MAPT: variants seen among roughly 807,000 people sequenced by gnomAD.
MAPT encodes the protein microtubule-associated protein tau.
In MAPT, 34 loss-of-function variants were observed where a neutral mutation model predicts 67.9. That is an observed-to-expected ratio of 0.50 (90% CI 0.38 to 0.67). MAPT has a LOEUF of 0.67. MAPT is among the 30% of genes least tolerant of loss of function. MAPT has a pLI of 0.00. For synonymous variants in MAPT, 456 were observed against 464.5 expected (o/e 0.98, Z 0.23); for missense variants, 881 against 1,115.2 (o/e 0.79, Z 2.99).
chr17:45,956,145 C>G (rs2069627979), intron 1 of MAPT, among the ~76,000 whole-genome samples: 4 of 152,216 alleles, frequency 2.6e-5, no homozygotes, highest in Admixed American at 2.6e-4. Context: ...CCAGGTCAAG[C>G]CTGGCTGGCC....
intron 9 of MAPT, among the ~76,000 whole-genome samples, chr17:46,003,709 G>C (rs1273960391): frequency 1.3e-5 from 2 of 152,226 alleles, no homozygotes; most frequent in Admixed American, 6.5e-5. Flanking sequence ...ATCAGGGCCA[G>C]GGATGCAGGT....
At chr17:45,982,215 G>T (rs7208455) in intron 4 of MAPT, among the ~76,000 whole-genome samples, 1 of 151,210 alleles carries the variant, frequency 6.6e-6, no homozygotes, top group Non-Finnish European at 1.5e-5. Context: ...CCAGTTACTC[G>T]GGAGGCTGAG....
chr17:46,023,356 C>T (rs2076646922), intron 12 of MAPT, among the ~76,000 whole-genome samples: 1 of 152,354 alleles, frequency 6.6e-6, no homozygotes, highest in African/African-American at 2.4e-5. Flanking sequence ...TTTGGTACAT[C>T]CGTGGCGACG....
At chr17:46,016,725 C>T (rs1285828570) in intron 11 of MAPT, among the ~76,000 whole-genome samples, 2 of 152,110 alleles carry the variant, frequency 1.3e-5, no homozygotes, top group Non-Finnish European at 2.9e-5. Context: ...GAGCCAAGAT[C>T]GCGCCACTGC....
At position 46,009,080 on chromosome 17, in the gene MAPT, T is replaced by C. The variant is rs2075645853; in HGVS notation, c.1999-1230T>C. Among the ~76,000 whole-genome samples the C allele has an allele frequency of 2.0e-5, 3 of 152,084 alleles. No homozygotes were observed. In the South Asian group the frequency reaches 6.2e-4, roughly 32 times the overall value. On this transcript the variant is annotated intron_variant, in intron 9 of 12. Coordinates refer to ENST00000262410, the MANE Select transcript of MAPT (RefSeq NM_001377265.1). ...CAGGTGTGGTGGCATGTGCCTGTGG[T>C]CCCAGCTACTTGGGAGGCTGAAGTA...
At chr17:45,978,521 T>G in intron 4 of MAPT, 81 bp downstream of exon 4, 1 of 1,152,188 alleles carries the variant, frequency 8.7e-7, no homozygotes, top group Non-Finnish European at 1.3e-6. Context: ...AAAAGATCAT[T>G]TGGACCTGAG....
intron 1 of MAPT, among the ~76,000 whole-genome samples, chr17:45,946,615 A>AAAATAT: frequency 2.0e-5 from 2 of 100,408 alleles, no homozygotes; most frequent in African/African-American, 8.7e-5. Context: ...AAAAAAAAAA[A>AAAATAT]ATATATATAT....
intron 10 of MAPT, among the ~76,000 whole-genome samples, chr17:46,012,863 T>C (rs2075913299): frequency 7.6e-6 from 1 of 131,502 alleles, no homozygotes; most frequent in South Asian, 2.4e-4. Flanking sequence ...GTCCACCCCC[T>C]CAGTGCTGGC....
At chr17:45,975,941 T>TAG (rs67479069) in intron 3 of MAPT, 21,996 of 152,260 alleles carry the variant, frequency 0.14, 2,142 homozygotes, top group Non-Finnish European at 0.22. Context: ...TGAATTCTTC[T>TAG]ACTCTTACCC....
At chr17:45,904,348 T>TATATATTATATATATATA (rs1568136393) in intron 1 of MAPT, among the ~76,000 whole-genome samples, 4 of 82,874 alleles carry the variant, frequency 4.8e-5, no homozygotes, top group African/African-American at 2.1e-4. Flanking sequence ...ATATATATAT[T>TATATATTATATATATATA]ATATATATTA....
At chr17:45,926,764 T>G (rs2066333970) in intron 1 of MAPT, among the ~76,000 whole-genome samples, 1 of 152,176 alleles carries the variant, frequency 6.6e-6, no homozygotes, top group African/African-American at 2.4e-5. Context: ...CACCCTTTTA[T>G]CTTGCTAACT....
chr17:45,983,837 G>A lies in MAPT; in HGVS notation c.1258G>A (p.Asp420Asn), dbSNP rs1171633773. 2.5e-6 allele frequency: 4 copies of A among 1,611,208 alleles called. No individual in the cohort carries two copies. Among genetic ancestry groups the A allele is most frequent in the Non-Finnish European group, 2.5e-6 (3 of 1,179,430 alleles). ...GGCCCGGGGCCCCTCTTTGGGAGAG[G>A]ACACAAAAGAGGCTGACCTTCCAGA... ...PEARGPSLGEDTKEADLPEPS... is the reference protein window; with the variant it reads ...PEARGPSLGENTKEADLPEPS... Residue 420 changes from aspartate (D) to asparagine (N), a missense_variant, in exon 5 of 13, where the codon GAC becomes AAC. By Grantham distance (23) the Asp-to-Asn change is conservative (BLOSUM62 1). Coordinates refer to ENST00000262410, the MANE Select transcript of MAPT (RefSeq NM_001377265.1).
At chr17:45,928,476 C>G (rs533643353) in intron 1 of MAPT, among the ~76,000 whole-genome samples, 1 of 152,168 alleles carries the variant, frequency 6.6e-6, no homozygotes, top group Non-Finnish European at 1.5e-5. Context: ...GCCTTCCCCA[C>G]AAGGCACCTG....
intron 1 of MAPT, among the ~76,000 whole-genome samples, chr17:45,933,726 G>T (rs1471324227): frequency 2.0e-5 from 3 of 152,122 alleles, no homozygotes; most frequent in Admixed American, 6.6e-5. Flanking sequence ...TTTGTTCAGG[G>T]AAGATTAGGT....
rs142362698 is a variant in MAPT, at chr17:45,993,571, G to A, written c.1732+1985G>A. Among the ~76,000 whole-genome samples the A allele has an allele frequency of 5.3e-5, 8 of 152,264 alleles. No homozygotes were observed. In the East Asian group the frequency reaches 5.8e-4, roughly 11 times the overall value. The stretch of plus-strand genomic sequence containing the variant: ...TGGGACTACAGGCACAGGCCACCAC[G>A]CCCTGCTAATTTTTGTATTTTTAGT... On this transcript the variant is annotated intron_variant, in intron 8 of 12. Coordinates refer to ENST00000262410, the MANE Select transcript of MAPT (RefSeq NM_001377265.1).
chr17:46,004,777 T>C (rs2075291764), intron 9 of MAPT, among the ~76,000 whole-genome samples: 1 of 152,220 alleles, frequency 6.6e-6, no homozygotes, highest in African/African-American at 2.4e-5. Context: ...ATTTCTTTTT[T>C]GTTTTTTTGT....
chr17:45,933,467 T>C (rs1051702590), intron 1 of MAPT, among the ~76,000 whole-genome samples: 7 of 150,330 alleles, frequency 4.7e-5, no homozygotes, highest in Admixed American at 2.7e-4. Context: ...CTCAAACTCC[T>C]GGCCTCAAGC....
At chr17:45,993,624 G>A (rs1225298261) in intron 8 of MAPT, among the ~76,000 whole-genome samples, 2 of 152,212 alleles carry the variant, frequency 1.3e-5, no homozygotes, top group Non-Finnish European at 2.9e-5. Context: ...ATTTTGGCCA[G>A]CCTAGTCTCG....
chr17:45,996,793 G>C lies in MAPT; in HGVS notation c.1998+129G>C. ...TGGAGTCGTGGGACTGTGCATGGAG[G>C]TGTGGGGCTCCCCGCACCTGAGCAC... On this transcript the variant is annotated intron_variant, in intron 9 of 12. Coordinates refer to ENST00000262410, the MANE Select transcript of MAPT (RefSeq NM_001377265.1). This position sits in a 1 kb window ranked among gnomAD's most constrained non-coding sequence, Gnocchi z 4.5. 1 of 1,322,596 alleles carries C rather than the reference G, an allele frequency of 7.6e-7. No homozygotes were observed. The highest frequency in any genetic ancestry group is 1.0e-6 in the Non-Finnish European group (1 of 973,038). The allele number at this position is 1,322,596 out of a possible 1,614,324, so 81.9% of individuals were successfully genotyped here.
Sources: allele counts gnomAD v4.1 joint callset (sites outside exome capture counted in the v4.1 genomes callset), GRCh38; gene constraint gnomAD v4.1.1; non-coding constraint Gnocchi (gnomAD v3.1); transcripts MANE v1.5; gene names NCBI Gene and HGNC (gene_info 2026-07-23, HGNC 2026-07-21).